C15orf61: variants seen among roughly 807,000 people sequenced by gnomAD.
The protein encoded by C15orf61 is chromosome 15 open reading frame 61.
C15orf61 carries 12 observed loss-of-function variants against 13.7 expected under a neutral mutation model. That is an observed-to-expected ratio of 0.88 (90% CI 0.56 to 1.42). C15orf61 has a LOEUF of 1.42. Ranked by LOEUF, C15orf61 falls within the 40% of genes most tolerant of loss-of-function variation. C15orf61 has a pLI of 0.00. For synonymous variants in C15orf61, 92 were observed against 94.1 expected (o/e 0.98, Z 0.13); for missense variants, 248 against 213.2 (o/e 1.16, Z -1.02).
In C15orf61 at chr15:67,525,283, G is replaced by A. The variant is rs368923866; in HGVS notation, c.347-1135G>A. On this transcript the variant is annotated intron_variant, in intron 1 of 1. Transcript: ENST00000342683. This position sits in a 1 kb window ranked among gnomAD's most constrained non-coding sequence, Gnocchi z 4.9. The stretch of plus-strand genomic sequence containing the variant: ...TTTGTTATTGATTCATGTGCCTATG[G>A]TTTTATTACATATGTTTTTAATATG... Among the ~76,000 whole-genome samples, 3 of 152,140 alleles carry A rather than the reference G, an allele frequency of 2.0e-5. No individual in the cohort carries two copies. Among genetic ancestry groups the A allele is most frequent in the African/African-American group, 4.8e-5 (2 of 41,412 alleles).
chr15:67,521,255 G>GC lies in C15orf61; in HGVS notation c.10dup (p.Leu4ProfsTer15). The GC allele has an allele frequency of 7.4e-7, 1 of 1,357,934 alleles. No homozygotes were observed. The highest frequency in any genetic ancestry group is 9.5e-7 in the Non-Finnish European group (1 of 1,055,884). 84.1% of individuals were successfully genotyped at this position (1,357,934 alleles called of 1,614,324 possible). A position where few individuals can be genotyped will look rare whatever the true frequency, so the allele number is the denominator to read the frequency against. ...GTCCCCGGCGCGGCGGGCCATGGAG[G>GC]CCCTGAGGAGGGCCCACGAGGTCGC... On this transcript the variant is annotated frameshift_variant, in exon 1 of 2. Transcript: ENST00000342683. LOFTEE classifies it high-confidence loss of function.
Position 67,521,165 on chromosome 15 carries a change from G to C in C15orf61, c.-84G>C. 1.0e-6 allele frequency: 1 copy of C among 966,282 alleles called. No individual in the cohort carries two copies. The highest frequency in any genetic ancestry group is 1.3e-6 in the Non-Finnish European group (1 of 770,742). 59.9% of individuals were successfully genotyped at this position (966,282 alleles called of 1,614,324 possible). On this transcript the variant is annotated 5_prime_UTR_variant, in exon 1 of 2. Transcript: ENST00000342683. ...GCTCTCGGGCACCCGCGCGGCGCCG[G>C]TTGGCCTTCCCGGCGCTCGCCCGGG... is the stretch of plus-strand genomic sequence containing the variant.
Position 67,526,714 on chromosome 15 carries a change from G to A in C15orf61, c.*169G>A, listed in dbSNP as rs564845902. 1.1e-5 allele frequency: 6 copies of A among 569,906 alleles called. No individual in the cohort carries two copies. Among genetic ancestry groups the A allele is most frequent in the African/African-American group, 1.9e-5 (1 of 52,124 alleles). The allele number at this position is 569,906 out of a possible 1,614,324, so 35.3% of individuals were successfully genotyped here. On this transcript the variant is annotated 3_prime_UTR_variant, in exon 2 of 2. Transcript: ENST00000342683. The stretch of plus-strand genomic sequence containing the variant: ...CAAGAGGTGAAGCTTTTTATACATC[G>A]TTATATATTACATACTCTGTTTAGC...
chr15:67,524,785 G>A (rs2140928021), intron 1 of C15orf61, among the ~76,000 whole-genome samples: 1 of 150,786 alleles, frequency 6.6e-6, no homozygotes, highest in East Asian at 1.9e-4. Context: ...AGAAAAATAA[G>A]ACCAAAATTT....
At chr15:67,521,938 A>G (rs1238067375) in intron 1 of C15orf61, 11 of 684,334 alleles carry the variant, frequency 1.6e-5, no homozygotes, top group East Asian at 1.1e-4. Context: ...GTGGCTCTGA[A>G]GTTGACATCC....
intron 1 of C15orf61, among the ~76,000 whole-genome samples, chr15:67,524,492 G>A (rs1194029440): frequency 1.3e-5 from 2 of 151,718 alleles, no homozygotes; most frequent in South Asian, 2.1e-4. Context: ...GATTCTTTTG[G>A]ACATTATCAG....
intron 1 of C15orf61, among the ~76,000 whole-genome samples, chr15:67,523,608 T>C (rs2084181935): frequency 6.6e-6 from 1 of 152,192 alleles, no homozygotes; most frequent in Admixed American, 6.5e-5. Flanking sequence ...TTAAAGTGCT[T>C]AATTTGACAG....
rs2084160455 is a variant in C15orf61 at position 67,521,443 on chromosome 15, C to G, written c.195C>G (p.Leu65=). 3 of 1,547,452 alleles carry G rather than the reference C, an allele frequency of 1.9e-6. No homozygotes were observed. Among genetic ancestry groups the G allele is most frequent in the African/African-American group, 2.7e-5 (2 of 73,048 alleles). ...YSAVRNDQFG[L]SHFNWPVQGA... ...CCGTCCGCAACGACCAGTTCGGCCT[C>G]TCGCACTTCAACTGGCCGGTGCAGG... Residue 65 remains leucine, a synonymous_variant, in exon 1 of 2, where the codon CTC becomes CTG. Coordinates refer to ENST00000342683, the MANE Select transcript of C15orf61 (RefSeq NM_001143936.2).
rs113763688 is a variant in C15orf61, at chr15:67,526,255, G to A, written c.347-163G>A. The stretch of plus-strand genomic sequence containing the variant: ...TCACGTGATTGCCATCATGTGCCAC[G>A]TTGATGAAATTGAGCTCTTAGATAA... On this transcript the variant is annotated intron_variant, in intron 1 of 1. Coordinates refer to ENST00000342683, the MANE Select transcript of C15orf61 (RefSeq NM_001143936.2). 9.9e-3 allele frequency among the ~76,000 whole-genome samples: 1,513 copies of A among 152,228 alleles called. 35 individuals carry two copies. Among genetic ancestry groups the A allele is most frequent in the African/African-American group, 0.035 (1,448 of 41,526 alleles).
chr15:67,522,263 G>GT (rs765715163), intron 1 of C15orf61: 10 of 700,128 alleles, frequency 1.4e-5, no homozygotes, highest in Non-Finnish European at 2.6e-5. Context: ...GGACATGGGT[G>GT]TATCTTTTAT....
In C15orf61 at chr15:67,521,563, C is replaced by T; in HGVS notation, c.315C>T (p.Arg105=). 1 of 1,540,844 alleles carries T rather than the reference C, an allele frequency of 6.5e-7. No individual in the cohort carries two copies. Among genetic ancestry groups the T allele is most frequent in the South Asian group, 1.2e-5 (1 of 83,808 alleles). ...APWQDLARQN[R]FFTALKVVNL... ...GGCAGGACCTGGCCCGGCAGAACCG[C>T]TTCTTCACGGCGCTCAAGGTCGTCA... The change falls in exon 1 of 2, where the codon CGC becomes CGT. Residue 105 remains arginine, a synonymous_variant. Coordinates refer to ENST00000342683, the MANE Select transcript of C15orf61 (RefSeq NM_001143936.2).
chr15:67,526,398 C>A lies in C15orf61; in HGVS notation c.347-20C>A. The A allele has an allele frequency of 2.7e-6, 4 of 1,469,566 alleles. No individual in the cohort carries two copies. Among genetic ancestry groups the A allele is most frequent in the Non-Finnish European group, 3.7e-6 (4 of 1,079,684 alleles). The allele number at this position is 1,469,566 out of a possible 1,614,324, so 91.0% of individuals were successfully genotyped here. Reference sequence around the variant, plus strand: ...TGATTAATAAGCATTGATGTTTATACATATTCGTTTGTTTTCTAGGTATTC... The same window carrying A: ...TGATTAATAAGCATTGATGTTTATAAATATTCGTTTGTTTTCTAGGTATTC... On this transcript the variant is annotated intron_variant, in intron 1 of 1. Transcript: ENST00000342683.
intron 1 of C15orf61, 33 bp downstream of exon 1, chr15:67,521,627 G>A: frequency 2.1e-6 from 3 of 1,455,260 alleles, no homozygotes; most frequent in Non-Finnish European, 2.8e-6. Flanking sequence ...ACGCGGTGAA[G>A]CCCGCCCGGC....
Position 67,526,510 on chromosome 15 carries a change from T to A in C15orf61, c.439T>A (p.Phe147Ile), listed in dbSNP as rs752386874. ...HTSYGPITVYFLNKEDEGAMY is the reference protein window; with the variant it reads ...HTSYGPITVYILNKEDEGAMY ...CAGTTATGGACCCATAACAGTTTAT[T>A]TTCTCAATAAAGAAGATGAAGGTGC... The change falls in exon 2 of 2, where the codon TTT (phenylalanine) becomes ATT (isoleucine). Residue 147 changes from phenylalanine (F) to isoleucine (I), a missense_variant. By Grantham distance (21) the Phe-to-Ile change is conservative (BLOSUM62 0). Coordinates refer to ENST00000342683, the MANE Select transcript of C15orf61 (RefSeq NM_001143936.2). 1 of 1,539,400 alleles carries A rather than the reference T, an allele frequency of 6.5e-7. No individual in the cohort carries two copies. Among genetic ancestry groups the A allele is most frequent in the Non-Finnish European group, 8.8e-7 (1 of 1,140,732 alleles).
chr15:67,528,038 A>T lies in C15orf61; in HGVS notation c.*1493A>T, dbSNP rs2084208294. The stretch of plus-strand genomic sequence containing the variant: ...TTTCCTCTGTAATGGGCAAAGTTAA[A>T]TAACTATAGCTCATAAGTTTTAAGT... On this transcript the variant is annotated 3_prime_UTR_variant, in exon 2 of 2. Transcript: ENST00000342683. 6.6e-6 allele frequency: 1 copy of T among 152,246 alleles called. No individual in the cohort carries two copies. The highest frequency in any genetic ancestry group is 1.5e-5 in the Non-Finnish European group (1 of 68,038). The allele number at this position is 152,246 out of a possible 1,614,324, so 9.4% of individuals were successfully genotyped here. A position where few individuals can be genotyped will look rare whatever the true frequency, so the allele number is the denominator to read the frequency against.
intron 1 of C15orf61, among the ~76,000 whole-genome samples, chr15:67,523,609 A>G (rs1347737138): frequency 6.6e-6 from 1 of 152,200 alleles, no homozygotes. Context: ...TAAAGTGCTT[A>G]ATTTGACAGT....
In C15orf61 at chr15:67,521,514, A is replaced by T; in HGVS notation, c.266A>T (p.Lys89Met). 6.5e-7 allele frequency: 1 copy of T among 1,548,488 alleles called. No homozygotes were observed. Among genetic ancestry groups the T allele is most frequent in the Non-Finnish European group, 8.7e-7 (1 of 1,146,698 alleles). The change falls in exon 1 of 2, where the codon AAG becomes ATG. Residue 89 changes from lysine to methionine, a missense_variant. Transcript: ENST00000342683. ...VLRTGCFPFI[K>M]YHCSKAPWQD... ...CGCACCGGCTGCTTCCCCTTCATCAAGTACCACTGCTCCAAGGCTCCCTGG... is the reference window on the plus strand; with the variant it reads ...CGCACCGGCTGCTTCCCCTTCATCATGTACCACTGCTCCAAGGCTCCCTGG...
In C15orf61 at chr15:67,521,437, C is replaced by A. The variant is rs750157908; in HGVS notation, c.189C>A (p.Phe63Leu). Residue 63 changes from phenylalanine (F) to leucine (L), a missense_variant, in exon 1 of 2, where the codon TTC becomes TTA. Phe to Leu is a conservative substitution (Grantham distance 22, BLOSUM62 0). Coordinates refer to ENST00000342683, the MANE Select transcript of C15orf61 (RefSeq NM_001143936.2). ...VPYSAVRNDQ[F>L]GLSHFNWPVQ... ...ACAGCGCCGTCCGCAACGACCAGTT[C>A]GGCCTCTCGCACTTCAACTGGCCGG... 1.3e-6 allele frequency: 2 copies of A among 1,547,178 alleles called. No individual in the cohort carries two copies. The highest frequency in any genetic ancestry group is 2.4e-5 in the East Asian group (1 of 40,906).
Position 67,521,214 on chromosome 15 carries a change from G to T in C15orf61, c.-35G>T. On this transcript the variant is annotated 5_prime_UTR_variant, in exon 1 of 2. Coordinates refer to ENST00000342683, the MANE Select transcript of C15orf61 (RefSeq NM_001143936.2). ...GGGGCGCGCTTGCGCGCCAGCGGCTGCGGACACCAGCCTGCGTCCCCGGCG... is the reference window on the plus strand; with the variant it reads ...GGGGCGCGCTTGCGCGCCAGCGGCTTCGGACACCAGCCTGCGTCCCCGGCG... The T allele has an allele frequency of 1.7e-6, 2 of 1,188,776 alleles. No individual in the cohort carries two copies. Among genetic ancestry groups the T allele is most frequent in the Non-Finnish European group, 2.1e-6 (2 of 953,394 alleles). The allele number at this position is 1,188,776 out of a possible 1,614,324, so 73.6% of individuals were successfully genotyped here. A position where few individuals can be genotyped will look rare whatever the true frequency, so the allele number is the denominator to read the frequency against.
Sources: gnomAD v4.1 joint callset for allele counts (sites outside exome capture counted in the v4.1 genomes callset) on GRCh38, gnomAD v4.1.1 for gene constraint, Gnocchi (gnomAD v3.1) non-coding constraint, MANE v1.5 for transcripts, NCBI Gene and HGNC (gene_info 2026-07-23, HGNC 2026-07-21) for gene names.